Variants in AAMDC observed in about 807,000 individuals in gnomAD.
The protein encoded by AAMDC is adipogenesis associated Mth938 domain containing, also known as mth938 domain-containing protein.
Under a neutral mutation model 15.5 loss-of-function variants are expected in AAMDC, and 16 were observed. That is an observed-to-expected ratio of 1.03 (90% CI 0.70 to 1.57). The LOEUF (loss-of-function observed/expected upper bound fraction) is 1.57, where lower values mean the gene tolerates loss of function less well. Among genes scored for constraint, AAMDC ranks in the 40% most tolerant of loss-of-function variants. AAMDC has a pLI of 0.00. For missense variants in AAMDC, 141 were observed against 144.9 expected (o/e 0.97, Z 0.14); for synonymous variants, 51 against 51.6 (o/e 0.99, Z 0.05).
chr11:77,821,395 C>T (rs777681445), intron 1 of AAMDC, among the ~76,000 whole-genome samples, 154 bp downstream of exon 1: 3 of 151,466 alleles, frequency 2.0e-5, no homozygotes, highest in Non-Finnish European at 4.4e-5. Flanking sequence ...TAATTAGGGG[C>T]TGGGCTGGGA....
At chr11:77,862,641 C>T (rs1214718245) in intron 2 of AAMDC, among the ~76,000 whole-genome samples, 2 of 152,072 alleles carry the variant, frequency 1.3e-5, no homozygotes, top group East Asian at 1.9e-4. Context: ...GAGGTAGACT[C>T]GAGGGCTTCC....
chr11:77,832,949 ATATGTGTGTG>A (rs1357232696), intron 1 of AAMDC, among the ~76,000 whole-genome samples: 4,414 of 96,076 alleles, frequency 0.046, 258 homozygotes, highest in African/African-American at 0.073. Flanking sequence ...TTGTATATAT[ATATGTGTGTG>A]TGTGTGTGTG....
intron 2 of AAMDC, among the ~76,000 whole-genome samples, chr11:77,867,628 G>A (rs1565212449): frequency 1.3e-5 from 2 of 152,246 alleles, no homozygotes; most frequent in South Asian, 2.1e-4. Flanking sequence ...GTCTTTGGGA[G>A]CTTCAGTGCT....
intron 2 of AAMDC, among the ~76,000 whole-genome samples, chr11:77,854,287 C>T (rs1052724003): frequency 4.6e-5 from 7 of 152,084 alleles, no homozygotes; most frequent in East Asian, 1.9e-4. Context: ...CCACCGTGCC[C>T]GGCTATCCTC....
chr11:77,893,423 C>T (rs1301311269), intron 5 of AAMDC, among the ~76,000 whole-genome samples: 1 of 152,028 alleles, frequency 6.6e-6, no homozygotes, highest in Non-Finnish European at 1.5e-5. Context: ...CTGAGCAACA[C>T]AGCAAGACCC....
downstream of AAMDC, among the ~76,000 whole-genome samples, chr11:77,905,598 A>G (rs1172518645): frequency 2.0e-5 from 3 of 152,210 alleles, no homozygotes; most frequent in Admixed American, 1.3e-4. Context: ...AAAATGTTGA[A>G]ACTTCCTCGA....
chr11:77,831,142 C>G (rs186508561), intron 1 of AAMDC, among the ~76,000 whole-genome samples: 2 of 152,076 alleles, frequency 1.3e-5, no homozygotes, highest in East Asian at 3.9e-4. Flanking sequence ...AAGACCCTGT[C>G]TCAGAAAAAA....
At chr11:77,849,038 CT>C (rs200734294) in intron 2 of AAMDC, among the ~76,000 whole-genome samples, 755 of 139,896 alleles carry the variant, frequency 5.4e-3, no homozygotes, top group Non-Finnish European at 5.1e-3. Context: ...AGTGGTGCTC[CT>C]TTTTTTTTTT....
intron 5 of AAMDC, among the ~76,000 whole-genome samples, chr11:77,882,720 A>C (rs1168189485): frequency 6.6e-6 from 1 of 152,156 alleles, no homozygotes; most frequent in Non-Finnish European, 1.5e-5. Context: ...GGGCTGCCCT[A>C]ACATCCAACA....
At position 77,888,576 on chromosome 11, in the gene AAMDC, G is replaced by C. The variant is rs150623054; in HGVS notation, c.328+11527G>C. Among the ~76,000 whole-genome samples, 438 of 152,244 alleles carry C rather than the reference G, an allele frequency of 2.9e-3. 5 individuals are homozygous for C. The highest frequency in any genetic ancestry group is 0.01 in the African/African-American group (422 of 41,538). ...AACAAAGGCCAAAATTGAGAAATGGGATCTAATTAAACTAAAGAGCTTCTG... is the reference window on the plus strand; with the variant it reads ...AACAAAGGCCAAAATTGAGAAATGGCATCTAATTAAACTAAAGAGCTTCTG... On this transcript the variant is annotated intron_variant, in intron 5 of 5. Coordinates refer to the AAMDC transcript ENST00000304716.
chr11:77,822,246 C>T (rs1948943812), intron 1 of AAMDC, among the ~76,000 whole-genome samples: 1 of 151,726 alleles, frequency 6.6e-6, no homozygotes, highest in African/African-American at 2.4e-5. Context: ...TCCAGACCAG[C>T]CTGGGCAACA....
chr11:77,853,550 G>A (rs1426126734), intron 2 of AAMDC, among the ~76,000 whole-genome samples: 1 of 152,076 alleles, frequency 6.6e-6, no homozygotes, highest in Non-Finnish European at 1.5e-5. Context: ...TCCAACACTG[G>A]GGATTATAAT....
chr11:77,890,326 C>T (rs1331448180), intron 5 of AAMDC, among the ~76,000 whole-genome samples: 2 of 152,130 alleles, frequency 1.3e-5, no homozygotes, highest in Non-Finnish European at 2.9e-5. Flanking sequence ...TCATCCTTAC[C>T]TCCTCCAGGA....
downstream of AAMDC, chr11:77,901,521 T>A (rs1952776894): frequency 1.2e-6 from 2 of 1,610,866 alleles, no homozygotes; most frequent in African/African-American, 2.7e-5. Context: ...CCACTGTACA[T>A]GAATTCCATT....
chr11:77,889,614 C>T (rs1436251455), intron 5 of AAMDC, among the ~76,000 whole-genome samples: 1 of 152,096 alleles, frequency 6.6e-6, no homozygotes, highest in African/African-American at 2.4e-5. Flanking sequence ...AACAGATCTA[C>T]AGTATTTTAA....
At chr11:77,861,755 G>A (rs762599801) in intron 2 of AAMDC, among the ~76,000 whole-genome samples, 16 of 152,160 alleles carry the variant, frequency 1.1e-4, no homozygotes, top group Non-Finnish European at 1.9e-4. Flanking sequence ...AGCCTCCAAA[G>A]TCCGCTTGCC....
chr11:77,877,628 T>C (rs1951635233), intron 5 of AAMDC, among the ~76,000 whole-genome samples: 1 of 152,248 alleles, frequency 6.6e-6, no homozygotes, highest in South Asian at 2.1e-4. Flanking sequence ...GCTTTATTAC[T>C]TACTGTACAG....
At chr11:77,897,508 ATTT>A (rs977241174) in intron 5 of AAMDC, among the ~76,000 whole-genome samples, 1 of 148,364 alleles carries the variant, frequency 6.7e-6, no homozygotes, top group African/African-American at 2.5e-5. Flanking sequence ...TATTATTATT[ATTT>A]TTTTTTTGAG....
chr11:77,829,580 C>G (rs1949327959), intron 1 of AAMDC: 2 of 152,182 alleles, frequency 1.3e-5, no homozygotes, highest in African/African-American at 4.8e-5. Flanking sequence ...AGTTGAACCC[C>G]TAATTCATTC....
Sources: gnomAD v4.1 joint callset for allele counts (sites outside exome capture counted in the v4.1 genomes callset) on GRCh38, gnomAD v4.1.1 for gene constraint, MANE v1.5 for transcripts, NCBI Gene and HGNC (gene_info 2026-07-23, HGNC 2026-07-21) for gene names.